Variants in NTM observed in about 807,000 individuals in gnomAD.
The protein encoded by NTM is neurotrimin.
NTM carries 13 observed loss-of-function variants against 42.1 expected under a neutral mutation model. The ratio of observed to expected loss-of-function variants is 0.31; its 90% CI spans 0.20 to 0.49. NTM has a LOEUF of 0.49. Among genes scored for constraint, NTM ranks in the 20% least tolerant of loss-of-function variants. The probability of loss-of-function intolerance (pLI) is 0.99; values close to 1 mark genes in which losing one functional copy is unlikely to be tolerated. For missense variants in NTM, 373 were observed against 452.8 expected (o/e 0.82, Z 1.60); for synonymous variants, 187 against 179.2 (o/e 1.04, Z -0.35).
intron 4 of NTM, among the ~76,000 whole-genome samples, chr11:132,254,387 C>G (rs1162961689): frequency 6.6e-6 from 1 of 151,876 alleles, no homozygotes; most frequent in Non-Finnish European, 1.5e-5. Context: ...TTGTTTCCCC[C>G]TCACCTTTTC....
chr11:131,502,179 G>T (rs1379337362), intron 1 of NTM, among the ~76,000 whole-genome samples: 1 of 152,110 alleles, frequency 6.6e-6, no homozygotes, highest in Non-Finnish European at 1.5e-5. Flanking sequence ...CCCCCCAGAG[G>T]ATGGAGTTTG....
At chr11:131,697,570 C>G (rs1565439449) in intron 1 of NTM, among the ~76,000 whole-genome samples, 1 of 152,148 alleles carries the variant, frequency 6.6e-6, no homozygotes, top group Non-Finnish European at 1.5e-5. Flanking sequence ...GGGTGACTTT[C>G]CGGGATTTAT....
intron 1 of NTM, among the ~76,000 whole-genome samples, chr11:131,372,661 G>A (rs549387642): frequency 1.3e-5 from 2 of 152,144 alleles, no homozygotes; most frequent in South Asian, 4.2e-4. Context: ...TATCTGTCCC[G>A]AGATCCATGT....
intron 3 of NTM, among the ~76,000 whole-genome samples, chr11:132,158,710 C>G (rs889131631): frequency 1.1e-4 from 17 of 152,232 alleles, no homozygotes; most frequent in African/African-American, 3.9e-4. Flanking sequence ...TCTCTTTGGT[C>G]AGGCGTGAGA....
chr11:132,202,203 C>T (rs2081266673), intron 3 of NTM, among the ~76,000 whole-genome samples: 1 of 152,144 alleles, frequency 6.6e-6, no homozygotes. Context: ...TTTTGGGTTA[C>T]TTGTGTAACC....
intron 4 of NTM, among the ~76,000 whole-genome samples, chr11:132,256,096 G>C (rs1464076352): frequency 1.3e-5 from 2 of 152,168 alleles, no homozygotes; most frequent in South Asian, 4.1e-4. Context: ...GGAATATTCT[G>C]TCTAGGCTAT....
chr11:132,034,960 T>A (rs1023071268), intron 2 of NTM, among the ~76,000 whole-genome samples: 1 of 152,232 alleles, frequency 6.6e-6, no homozygotes, highest in African/African-American at 2.4e-5. Context: ...ATTTCTGGTC[T>A]CCTAGCATCT....
chr11:132,280,751 G>T (rs549404988), intron 4 of NTM, among the ~76,000 whole-genome samples: 9 of 152,166 alleles, frequency 5.9e-5, no homozygotes, highest in Admixed American at 5.2e-4. Context: ...CTCCCAAAGC[G>T]CTGGGATTAC....
At chr11:131,674,301 C>T (rs532237662) in intron 1 of NTM, among the ~76,000 whole-genome samples, 36 of 152,378 alleles carry the variant, frequency 2.4e-4, no homozygotes, top group African/African-American at 8.2e-4. Context: ...CTACCCAAGA[C>T]ATTCTTGTCA....
intron 3 of NTM, among the ~76,000 whole-genome samples, chr11:132,161,661 C>A (rs962265294): frequency 6.6e-6 from 1 of 152,006 alleles, no homozygotes; most frequent in African/African-American, 2.4e-5. Context: ...TCCCCTGGCG[C>A]CCCCTTGCCA....
At chr11:131,707,191 T>TTC (rs1419707168) in intron 1 of NTM, among the ~76,000 whole-genome samples, 2 of 152,036 alleles carry the variant, frequency 1.3e-5, no homozygotes, top group Non-Finnish European at 2.9e-5. Flanking sequence ...AAAACTACTA[T>TTC]TCTACTCTTT....
At chr11:131,994,043 A>T (rs968858452) in intron 2 of NTM, among the ~76,000 whole-genome samples, 3 of 151,810 alleles carry the variant, frequency 2.0e-5, no homozygotes, top group Admixed American at 6.6e-5. Flanking sequence ...AAGAACAAAG[A>T]CATAAACAGC....
chr11:131,554,519 AAC>A lies in NTM; in HGVS notation c.82+183651_82+183652del, dbSNP rs139415017. Among the ~76,000 whole-genome samples the A allele has an allele frequency of 1.4e-3, 213 of 147,868 alleles. 2 individuals carry two copies. In the East Asian group the frequency reaches 0.015, roughly 11 times the overall value. ...TCTTTATATATAAAGGTCACCTGCAAACACACACACACACACACACATCTACA... is the reference window on the plus strand; with the variant it reads ...TCTTTATATATAAAGGTCACCTGCAAACACACACACACACACACATCTACA... On this transcript the variant is annotated intron_variant, in intron 1 of 8. Transcript: ENST00000683400.
At chr11:131,713,799 G>A (rs920097206) in intron 1 of NTM, among the ~76,000 whole-genome samples, 10 of 152,180 alleles carry the variant, frequency 6.6e-5, no homozygotes, top group African/African-American at 1.7e-4. Context: ...AGGAGAGACC[G>A]ATGCAAGTTT....
chr11:131,400,483 T>A (rs985500572), intron 1 of NTM, among the ~76,000 whole-genome samples: 1 of 152,198 alleles, frequency 6.6e-6, no homozygotes, highest in East Asian at 1.9e-4. Context: ...TTGGCTTGAA[T>A]CCTGATGCTA....
intron 2 of NTM, among the ~76,000 whole-genome samples, chr11:131,991,164 A>G (rs1223901726): frequency 6.6e-6 from 1 of 152,166 alleles, no homozygotes; most frequent in Non-Finnish European, 1.5e-5. Context: ...CTAATCTTTG[A>G]TAGATAGCCT....
chr11:131,515,427 A>G (rs2048775435), intron 1 of NTM, among the ~76,000 whole-genome samples: 1 of 152,140 alleles, frequency 6.6e-6, no homozygotes, highest in Non-Finnish European at 1.5e-5. Flanking sequence ...TGAGCAGTTA[A>G]TCACCTGCAG....
chr11:131,568,733 G>A (rs566602959), intron 1 of NTM, among the ~76,000 whole-genome samples: 40 of 152,172 alleles, frequency 2.6e-4, no homozygotes, highest in African/African-American at 9.1e-4. Context: ...ATTCCACCAC[G>A]GCCAGTTGAG....
chr11:132,309,720 G>A (rs1284552068), intron 5 of NTM, among the ~76,000 whole-genome samples: 1 of 152,110 alleles, frequency 6.6e-6, no homozygotes, highest in Non-Finnish European at 1.5e-5. Context: ...CAGAGCCAGG[G>A]CAGAGACTGA....
Sources: allele counts gnomAD v4.1 joint callset (sites outside exome capture counted in the v4.1 genomes callset), GRCh38; gene constraint gnomAD v4.1.1; transcripts MANE v1.5; gene names NCBI Gene and HGNC (gene_info 2026-07-23, HGNC 2026-07-21).